Variants in TSHZ2 observed in about 807,000 individuals in gnomAD.
The protein encoded by TSHZ2 is teashirt zinc finger homeobox 2, also known as teashirt homolog 2.
Under a neutral mutation model 74.4 loss-of-function variants are expected in TSHZ2, and 21 were observed. The ratio of observed to expected loss-of-function variants is 0.28; its 90% confidence interval spans 0.20 to 0.41. TSHZ2 has a LOEUF of 0.41. Among genes scored for constraint, TSHZ2 ranks in the 10% least tolerant of loss-of-function variants. The pLI, the probability that TSHZ2 is intolerant of heterozygous loss-of-function variation, is 1.00. For missense variants in TSHZ2, 1,244 were observed against 1,293.5 expected, an observed-to-expected ratio of 0.96 and a Z score of 0.59; for synonymous variants, 540 against 515.3, an observed-to-expected ratio of 1.05 and a Z score of -0.65.
chr20:53,433,613 A>ACACACC (rs1490759048), intron 2 of TSHZ2, among the ~76,000 whole-genome samples: 1 of 151,612 alleles, frequency 6.6e-6, no homozygotes, highest in Non-Finnish European at 1.5e-5. Flanking sequence ...ACACACACAC[A>ACACACC]CACACACACA....
intron 1 of TSHZ2, among the ~76,000 whole-genome samples, chr20:53,067,313 G>T (rs906707856): frequency 6.6e-6 from 1 of 152,130 alleles, no homozygotes; most frequent in African/African-American, 2.4e-5. Flanking sequence ...TTCTTGAGCA[G>T]GTTTTTTGTT....
At chr20:53,115,395 C>T (rs1180903187) in intron 1 of TSHZ2, among the ~76,000 whole-genome samples, 2 of 152,100 alleles carry the variant, frequency 1.3e-5, no homozygotes, top group African/African-American at 4.8e-5. Flanking sequence ...CTCATGGGAT[C>T]TGATGGTTCT....
intron 1 of TSHZ2, among the ~76,000 whole-genome samples, chr20:53,042,050 G>A (rs1217323690): frequency 6.6e-6 from 1 of 150,862 alleles, no homozygotes; most frequent in Non-Finnish European, 1.5e-5. Flanking sequence ...ACCCAAATGT[G>A]GGAAAAAAAA....
chr20:53,353,484 A>T (rs1215715722), intron 2 of TSHZ2, among the ~76,000 whole-genome samples: 1 of 152,238 alleles, frequency 6.6e-6, no homozygotes, highest in East Asian at 1.9e-4. Context: ...TGTGAATGTC[A>T]TTCCCGTGCC....
chr20:53,004,798 C>T (rs537880747), intron 1 of TSHZ2, among the ~76,000 whole-genome samples: 22 of 152,234 alleles, frequency 1.4e-4, no homozygotes, highest in African/African-American at 5.3e-4. Flanking sequence ...ATAATAATAG[C>T]CAACTTTCAG....
chr20:53,380,224 T>G (rs146278680), intron 2 of TSHZ2, among the ~76,000 whole-genome samples: 25 of 152,236 alleles, frequency 1.6e-4, no homozygotes, highest in Admixed American at 4.6e-4. Context: ...TTCATAACAG[T>G]GTTTCCAAAA....
intron 1 of TSHZ2, among the ~76,000 whole-genome samples, chr20:53,118,446 G>T (rs1244383978): frequency 1.3e-5 from 2 of 152,146 alleles, no homozygotes; most frequent in African/African-American, 4.8e-5. Flanking sequence ...TTACGAGAGA[G>T]TGAGGAAAGC....
At chr20:53,229,174 T>C (rs567069157) in intron 1 of TSHZ2, among the ~76,000 whole-genome samples, 1 of 152,310 alleles carries the variant, frequency 6.6e-6, no homozygotes, top group South Asian at 2.1e-4. Context: ...CGATTGGCTA[T>C]GAAAGCTCAG....
At chr20:53,040,454 G>A (rs1983997126) in intron 1 of TSHZ2, among the ~76,000 whole-genome samples, 1 of 152,110 alleles carries the variant, frequency 6.6e-6, no homozygotes, top group Non-Finnish European at 1.5e-5. Flanking sequence ...CCATGGAAGG[G>A]TTTTGAGCCA....
At chr20:53,361,094 G>C (rs1453968784) in intron 2 of TSHZ2, among the ~76,000 whole-genome samples, 1 of 152,144 alleles carries the variant, frequency 6.6e-6, no homozygotes, top group African/African-American at 2.4e-5. Flanking sequence ...CCCCAGCGTG[G>C]CTGTGCTCAC....
intron 1 of TSHZ2, among the ~76,000 whole-genome samples, chr20:53,206,005 G>A (rs1989159798): frequency 6.6e-6 from 1 of 152,166 alleles, no homozygotes; most frequent in Non-Finnish European, 1.5e-5. Context: ...TGGATCACGA[G>A]GTCAGGAGTT....
intron 2 of TSHZ2, among the ~76,000 whole-genome samples, chr20:53,475,077 C>A (rs1985950970): frequency 7.2e-6 from 1 of 139,434 alleles, no homozygotes; most frequent in African/African-American, 2.8e-5. Flanking sequence ...TAACACCCCA[C>A]TGTCAACATT....
chr20:53,003,527 C>T (rs1035327841), intron 1 of TSHZ2, among the ~76,000 whole-genome samples: 1 of 152,162 alleles, frequency 6.6e-6, no homozygotes, highest in African/African-American at 2.4e-5. Context: ...AGAAATAAGC[C>T]TTCCAGAAGA....
chr20:53,366,003 C>A lies in TSHZ2; in HGVS notation c.*8+109432C>A, dbSNP rs553546637. Among the ~76,000 whole-genome samples the A allele has an allele frequency of 1.2e-4, 19 of 152,316 alleles. No individual in the cohort carries two copies. In the South Asian group the frequency reaches 3.9e-3, roughly 32 times the overall value. ...GTTTAGGCTCAAAGCCAGAATCAAC[C>A]AAAATTCAGTTCCCTTTCCTCAAAG... On this transcript the variant is annotated intron_variant, in intron 2 of 2. Coordinates refer to ENST00000371497, the MANE Select transcript of TSHZ2 (RefSeq NM_173485.6).
intron 1 of TSHZ2, among the ~76,000 whole-genome samples, chr20:53,179,974 A>G (rs1182869062): frequency 2.0e-5 from 3 of 152,220 alleles, no homozygotes; most frequent in Non-Finnish European, 4.4e-5. Context: ...AATAACCGTA[A>G]TGGAAACACC....
intron 1 of TSHZ2, among the ~76,000 whole-genome samples, chr20:53,232,316 A>G (rs1433247457): frequency 6.6e-6 from 1 of 152,148 alleles, no homozygotes. Context: ...TCACACGTTT[A>G]TTTTTGCATT....
In TSHZ2 at chr20:53,112,294, C is replaced by T. The variant is rs574071822; in HGVS notation, c.40+138961C>T. Among the ~76,000 whole-genome samples, 7 of 152,296 alleles carry T rather than the reference C, an allele frequency of 4.6e-5. No homozygotes were observed. The East Asian group carries it at 1.4e-3, about 29-fold the overall frequency. ...CTTCAGTTAACAAAACACAAATTCA[C>T]AGATAAAATTATTAAGAAGTTCTTC... On this transcript the variant is annotated intron_variant, in intron 1 of 2. Transcript: ENST00000371497.
At chr20:53,264,846 T>C (rs1212525776) in intron 2 of TSHZ2, among the ~76,000 whole-genome samples, 2 of 152,146 alleles carry the variant, frequency 1.3e-5, no homozygotes, top group Non-Finnish European at 2.9e-5. Flanking sequence ...ACAAAAAGTG[T>C]CATAATGATG....
intron 2 of TSHZ2, among the ~76,000 whole-genome samples, chr20:53,268,516 A>G (rs917691916): frequency 6.6e-6 from 1 of 152,200 alleles, no homozygotes; most frequent in African/African-American, 2.4e-5. Context: ...ATGGCTAAGC[A>G]TGTGCGGGAT....
Sources: allele counts gnomAD v4.1 joint callset (sites outside exome capture counted in the v4.1 genomes callset), GRCh38; gene constraint gnomAD v4.1.1; transcripts MANE v1.5; gene names NCBI Gene and HGNC (gene_info 2026-07-23, HGNC 2026-07-21).